The following CSMD1 variants were observed in gnomAD, a reference collection of about 807,000 sequenced individuals.
The protein encoded by CSMD1 is CUB and Sushi multiple domains 1, also known as CUB and sushi domain-containing protein 1.
CSMD1 carries 213 observed loss-of-function variants against 417.5 expected under a neutral mutation model. The observed-to-expected ratio is 0.51, with a 90% CI of 0.46 to 0.57. The LOEUF (loss-of-function observed/expected upper bound fraction) is 0.57. Among genes scored for constraint, CSMD1 ranks in the 20% least tolerant of loss-of-function variants. CSMD1 has a pLI of 0.00. For synonymous variants in CSMD1, 2,862 were observed against 1,736.8 expected (o/e 1.65, Z -16.11); for missense variants, 6,923 against 4,529.7 (o/e 1.53, Z -15.17).
At chr8:4,950,221 T>A (rs1418335094) in intron 1 of CSMD1, among the ~76,000 whole-genome samples, 1 of 152,196 alleles carries the variant, frequency 6.6e-6, no homozygotes, top group East Asian at 1.9e-4. Flanking sequence ...ATTTGATGCT[T>A]ATCTAATTAA....
At chr8:3,318,274 T>G (rs1411999060) in intron 23 of CSMD1, among the ~76,000 whole-genome samples, 1 of 152,144 alleles carries the variant, frequency 6.6e-6, no homozygotes. Context: ...GGTGTTAAAA[T>G]GAAAAAAGTA....
chr8:3,710,925 G>A (rs558084260), intron 6 of CSMD1, among the ~76,000 whole-genome samples: 1 of 152,264 alleles, frequency 6.6e-6, no homozygotes, highest in African/African-American at 2.4e-5. Context: ...GCAGGAGCTG[G>A]TCCACCTGGA....
chr8:4,942,765 T>C (rs1419422276), intron 1 of CSMD1, among the ~76,000 whole-genome samples: 2 of 152,204 alleles, frequency 1.3e-5, no homozygotes, highest in African/African-American at 2.4e-5. Context: ...AGAAATGACA[T>C]ACACAGATGA....
intron 4 of CSMD1, among the ~76,000 whole-genome samples, chr8:4,027,293 G>A (rs796162137): frequency 1.1e-4 from 16 of 152,264 alleles, no homozygotes; most frequent in Admixed American, 1.3e-4. Flanking sequence ...AGGAGAGAGT[G>A]AGTCAGGAGT....
chr8:4,030,654 T>C (rs1207003000), intron 4 of CSMD1, among the ~76,000 whole-genome samples: 1 of 152,214 alleles, frequency 6.6e-6, no homozygotes. Context: ...TTCCCCATGG[T>C]CTTGGGGATT....
At chr8:3,859,921 C>G (rs950957434) in intron 5 of CSMD1, among the ~76,000 whole-genome samples, 6 of 152,142 alleles carry the variant, frequency 3.9e-5, no homozygotes, top group African/African-American at 1.2e-4. Flanking sequence ...TAAGCTATAA[C>G]CATGAGTGTA....
At chr8:4,370,914 G>C (rs1192747381) in intron 3 of CSMD1, among the ~76,000 whole-genome samples, 1 of 152,132 alleles carries the variant, frequency 6.6e-6, no homozygotes, top group Non-Finnish European at 1.5e-5. Flanking sequence ...TGAAGTCTAT[G>C]TCTGACACAC....
intron 1 of CSMD1, among the ~76,000 whole-genome samples, chr8:4,811,497 G>C (rs1046670971): frequency 6.6e-6 from 1 of 152,072 alleles, no homozygotes; most frequent in African/African-American, 2.4e-5. Context: ...AAATTTAGGG[G>C]ATTGGTGGCA....
At chr8:4,485,231 T>A (rs1057328722) in intron 2 of CSMD1, among the ~76,000 whole-genome samples, 1 of 152,094 alleles carries the variant, frequency 6.6e-6, no homozygotes, top group Admixed American at 6.5e-5. Flanking sequence ...TTTCATCCCT[T>A]GAGAAAAGAT....
chr8:4,033,272 C>G (rs2740918), intron 3 of CSMD1, among the ~76,000 whole-genome samples: 1 of 151,758 alleles, frequency 6.6e-6, no homozygotes, highest in Non-Finnish European at 1.5e-5. Flanking sequence ...AACCCTGTCT[C>G]TACTAAAAAT....
intron 7 of CSMD1, among the ~76,000 whole-genome samples, chr8:3,620,202 C>T (rs762028454): frequency 3.2e-4 from 48 of 152,118 alleles, no homozygotes; most frequent in East Asian, 5.8e-4. Context: ...AACCATCCTT[C>T]AAAAATGAAA....
intron 10 of CSMD1, among the ~76,000 whole-genome samples, chr8:3,569,976 G>C (rs1179738848): frequency 1.3e-5 from 2 of 152,118 alleles, no homozygotes; most frequent in African/African-American, 4.8e-5. Context: ...TAATTATTAA[G>C]TCCTCACAAT....
At chr8:4,237,019 T>C (rs948260120) in intron 3 of CSMD1, among the ~76,000 whole-genome samples, 1 of 152,204 alleles carries the variant, frequency 6.6e-6, no homozygotes, top group African/African-American at 2.4e-5. Flanking sequence ...CGCGCTCCAT[T>C]GCTTCATGGA....
At position 3,277,383 on chromosome 8, in the gene CSMD1, G is replaced by A. The variant is rs916903777; in HGVS notation, c.4153+6761C>T. Reference sequence around the variant, plus strand: ...AGAAAGTACGCAGGTGCATGAAGAAGGAAGCCCGTGAGCAAGGCAGGGCAG... The same window carrying A: ...AGAAAGTACGCAGGTGCATGAAGAAAGAAGCCCGTGAGCAAGGCAGGGCAG... On this transcript the variant is annotated intron_variant, in intron 26 of 69. Coordinates refer to ENST00000635120, the MANE Select transcript of CSMD1 (RefSeq NM_033225.6). Among the ~76,000 whole-genome samples, 5 of 152,154 alleles carry A rather than the reference G, an allele frequency of 3.3e-5. No homozygotes were observed. In the East Asian group the frequency reaches 5.8e-4, roughly 18 times the overall value.
intron 1 of CSMD1, among the ~76,000 whole-genome samples, chr8:4,873,817 A>T (rs927254352): frequency 2.0e-5 from 3 of 152,124 alleles, no homozygotes; most frequent in East Asian, 1.9e-4. Context: ...GCCATTTCTT[A>T]TAAGTTGTTT....
At chr8:3,022,648 C>G (rs1809537335) in intron 51 of CSMD1, among the ~76,000 whole-genome samples, 1 of 148,132 alleles carries the variant, frequency 6.8e-6, no homozygotes, top group African/African-American at 2.5e-5. Context: ...AACATAAACT[C>G]AAGAGTAGGT....
At chr8:4,411,996 G>A (rs549405176) in intron 3 of CSMD1, among the ~76,000 whole-genome samples, 13 of 143,170 alleles carry the variant, frequency 9.1e-5, no homozygotes, top group African/African-American at 3.6e-4. Context: ...AAGGGTGTGT[G>A]TGTGTGTGTG....
intron 5 of CSMD1, among the ~76,000 whole-genome samples, chr8:3,762,117 C>A (rs976394880): frequency 1.3e-5 from 2 of 152,136 alleles, no homozygotes; most frequent in Non-Finnish European, 2.9e-5. Context: ...TTGGCTCATT[C>A]TGCTTTCCAG....
chr8:3,613,160 T>G (rs1485749836), intron 8 of CSMD1: 1 of 177,798 alleles, frequency 5.6e-6, no homozygotes. Context: ...TTTGACAACT[T>G]AGATTAAAAT....
Sources: allele counts gnomAD v4.1 joint callset (sites outside exome capture counted in the v4.1 genomes callset), GRCh38; gene constraint gnomAD v4.1.1; transcripts MANE v1.5; gene names NCBI Gene and HGNC (gene_info 2026-07-23, HGNC 2026-07-21).